GRAMD2B: variants seen among roughly 807,000 people sequenced by gnomAD.
The protein encoded by GRAMD2B is GRAM domain containing 2B.
GRAMD2B carries 41 observed loss-of-function variants against 59.2 expected under a neutral mutation model. The observed-to-expected ratio is 0.69, with a 90% CI of 0.54 to 0.90. GRAMD2B has a LOEUF of 0.90. Ranked by LOEUF, GRAMD2B falls within the 40% of genes least tolerant of loss-of-function variation. The pLI, the probability that GRAMD2B is intolerant of heterozygous loss-of-function variation, is 0.00. For missense variants in GRAMD2B, 424 were observed against 500.5 expected, an observed-to-expected ratio of 0.85 and a Z score of 1.46; for synonymous variants, 161 against 182.7, an observed-to-expected ratio of 0.88 and a Z score of 0.96.
At chr5:126,383,416 A>C (rs937128935) in intron 1 of GRAMD2B, among the ~76,000 whole-genome samples, 1 of 152,232 alleles carries the variant, frequency 6.6e-6, no homozygotes, top group South Asian at 2.1e-4. Context: ...AGCCCTGCCA[A>C]GAAGCACATA....
intron 1 of GRAMD2B, among the ~76,000 whole-genome samples, chr5:126,376,942 G>T (rs1448048645): frequency 6.6e-6 from 1 of 151,848 alleles, no homozygotes; most frequent in Non-Finnish European, 1.5e-5. Flanking sequence ...CATGGCTATG[G>T]AAGTTAAAAT....
intron 1 of GRAMD2B, among the ~76,000 whole-genome samples, chr5:126,390,037 T>C (rs1197058245): frequency 6.6e-6 from 1 of 152,206 alleles, no homozygotes; most frequent in Non-Finnish European, 1.5e-5. Context: ...ATGAATAAAA[T>C]AGTAAAATTT....
upstream of GRAMD2B, among the ~76,000 whole-genome samples, chr5:126,371,148 A>C (rs1239692500): frequency 6.6e-6 from 1 of 152,222 alleles, no homozygotes; most frequent in African/African-American, 2.4e-5. Flanking sequence ...TTTTCTGACT[A>C]AATTCAGATT....
intron 2 of GRAMD2B, 59 bp downstream of exon 2, chr5:126,465,604 G>T (rs1768187090): frequency 1.3e-6 from 2 of 1,492,428 alleles, no homozygotes; most frequent in African/African-American, 2.8e-5. Flanking sequence ...AGGCGTTACA[G>T]GAGGAGCAGG....
At chr5:126,422,770 G>C (rs1759878012), upstream of GRAMD2B, among the ~76,000 whole-genome samples, 1 of 152,190 alleles carries the variant, frequency 6.6e-6, no homozygotes, top group Admixed American at 6.5e-5. Context: ...CTGGTTGAGT[G>C]CATAGTAAAT....
At chr5:126,432,775 G>T (rs115696092) in intron 1 of GRAMD2B, among the ~76,000 whole-genome samples, 2,448 of 152,212 alleles carry the variant, frequency 0.016, 58 homozygotes, top group African/African-American at 0.056. Context: ...TGTGAAGTTG[G>T]TAGATTTCTT....
intron 1 of GRAMD2B, among the ~76,000 whole-genome samples, chr5:126,408,848 C>A (rs865860303): frequency 8.7e-6 from 1 of 114,344 alleles, no homozygotes. Context: ...CCTCCCCCCA[C>A]CCGACAACAG....
chr5:126,483,492 TG>T lies in GRAMD2B; in HGVS notation c.767del (p.Gly256GlufsTer38), dbSNP rs1561604173. On this transcript the variant is annotated frameshift_variant, in exon 9 of 14. Transcript: ENST00000285689. LOFTEE classifies it high-confidence loss of function. Reference sequence around the variant, plus strand: ...TCAATGATGAATTCTCAGATCTGGATGGAGTGGTTCAACAAAGAAGGCAAGA... The same window carrying T: ...TCAATGATGAATTCTCAGATCTGGATGAGTGGTTCAACAAAGAAGGCAAGA... ...DFNDEFSDLD[G>X]VVQQRRQDME... 1 of 1,611,636 alleles carries T rather than the reference TG, an allele frequency of 6.2e-7. No individual in the cohort carries two copies. The highest frequency in any genetic ancestry group is 8.5e-7 in the Non-Finnish European group (1 of 1,177,850).
At chr5:126,361,952 A>G (rs1754240077) in intron 1 of GRAMD2B, among the ~76,000 whole-genome samples, 1 of 152,052 alleles carries the variant, frequency 6.6e-6, no homozygotes, top group South Asian at 2.1e-4. Context: ...TGTAATACCT[A>G]CCTCCCAGAA....
At chr5:126,472,107 G>A in intron 3 of GRAMD2B, 131 bp from the exon 4 acceptor site, 2 of 669,536 alleles carry the variant, frequency 3.0e-6, no homozygotes, top group Non-Finnish European at 5.4e-6. Context: ...TTGTGTCAGA[G>A]ACTGTAAGAT....
rs143250030 is a variant in GRAMD2B at position 126,362,073 on chromosome 5, G to C, written c.128+1614G>C. ...GTTACCCAGTTGGGTCTCCTCCTTT[G>C]TTTTTTATTACTAGTGGAGAATATT... On this transcript the variant is annotated intron_variant, in intron 1 of 13. Transcript: ENST00000513040. Among the ~76,000 whole-genome samples the C allele has an allele frequency of 5.1e-3, 772 of 152,236 alleles. 10 individuals carry two copies. Among genetic ancestry groups the C allele is most frequent in the African/African-American group, 0.018 (732 of 41,562 alleles).
rs575348687 is a variant in GRAMD2B, at chr5:126,471,669, G to A, written c.316-569G>A. Among the ~76,000 whole-genome samples, 11 of 152,130 alleles carry A rather than the reference G, an allele frequency of 7.2e-5. No homozygotes were observed. In the East Asian group the frequency reaches 2.1e-3, roughly 29 times the overall value. On this transcript the variant is annotated intron_variant, in intron 3 of 13. Transcript: ENST00000285689. ...GGCCATATGTTGCCTTAGACTATAGGTCCTTTACATGTATTATCCCATTTA... is the reference window on the plus strand; with the variant it reads ...GGCCATATGTTGCCTTAGACTATAGATCCTTTACATGTATTATCCCATTTA...
chr5:126,433,609 C>A (rs994560571), intron 1 of GRAMD2B: 4 of 152,210 alleles, frequency 2.6e-5, no homozygotes, highest in South Asian at 4.1e-4. Context: ...AACACAGGTA[C>A]CTCTTTGGAT....
chr5:126,480,375 A>G (rs1452166939), intron 6 of GRAMD2B, 81 bp from the exon 7 acceptor site: 15 of 958,952 alleles, frequency 1.6e-5, no homozygotes, highest in Non-Finnish European at 2.3e-5. Flanking sequence ...CAAAAGCTGT[A>G]TACAGATACT....
intron 1 of GRAMD2B, among the ~76,000 whole-genome samples, chr5:126,394,154 A>C (rs901732225): frequency 2.6e-5 from 4 of 151,926 alleles, no homozygotes; most frequent in African/African-American, 9.7e-5. Context: ...GGGTGCCTGT[A>C]GTCCCAGCTA....
intron 1 of GRAMD2B, among the ~76,000 whole-genome samples, chr5:126,411,279 A>T (rs188212015): frequency 5.1e-4 from 78 of 152,262 alleles, no homozygotes; most frequent in Admixed American, 1.2e-3. Context: ...TAATTTGTGT[A>T]TATGGTGAAA....
At chr5:126,391,030 A>G (rs1400878442) in intron 1 of GRAMD2B, among the ~76,000 whole-genome samples, 3 of 152,090 alleles carry the variant, frequency 2.0e-5, no homozygotes, top group Non-Finnish European at 4.4e-5. Context: ...GGGCTTAAAG[A>G]TGTAGACCTC....
intron 1 of GRAMD2B, among the ~76,000 whole-genome samples, chr5:126,448,474 G>A (rs1486149182): frequency 3.3e-5 from 5 of 152,126 alleles, no homozygotes; most frequent in Non-Finnish European, 7.4e-5. Flanking sequence ...GCTTTATCCT[G>A]TAGGCAACAG....
At chr5:126,477,082 G>A (rs1334389954) in intron 5 of GRAMD2B, among the ~76,000 whole-genome samples, 4 of 152,194 alleles carry the variant, frequency 2.6e-5, no homozygotes, top group African/African-American at 4.8e-5. Flanking sequence ...AACTGGCTGA[G>A]CATTCCTAAT....
Sources: allele counts gnomAD v4.1 joint callset (sites outside exome capture counted in the v4.1 genomes callset), GRCh38; gene constraint gnomAD v4.1.1; transcripts MANE v1.5; gene names NCBI Gene and HGNC (gene_info 2026-07-23, HGNC 2026-07-21).